MCTP1: variants seen among roughly 807,000 people sequenced by gnomAD.
MCTP1 encodes the protein multiple C2 and transmembrane domain-containing protein 1.
Under a neutral mutation model 120.6 loss-of-function variants are expected in MCTP1, and 69 were observed. The ratio of observed to expected loss-of-function variants is 0.57; its 90% CI spans 0.47 to 0.70. The LOEUF (loss-of-function observed/expected upper bound fraction) is 0.70, where lower values mean the gene tolerates loss of function less well. Among genes scored for constraint, MCTP1 ranks in the 30% least tolerant of loss-of-function variants. MCTP1 has a pLI of 0.00. For missense variants in MCTP1, 1,203 were observed against 1,248.8 expected (o/e 0.96, Z 0.55); for synonymous variants, 529 against 493.1 (o/e 1.07, Z -0.96).
intron 1 of MCTP1, among the ~76,000 whole-genome samples, chr5:95,090,916 T>C (rs553500428): frequency 6.6e-6 from 1 of 152,280 alleles, no homozygotes; most frequent in Admixed American, 6.5e-5. Context: ...CAAAGATGAC[T>C]GATATACTAG....
rs758003840 is a variant in MCTP1 at position 94,718,434 on chromosome 5, TACTC to T, written c.2611-3552_2611-3549del. The stretch of plus-strand genomic sequence containing the variant: ...AATCTAGACAATACCATTCAGGACA[TACTC>T]ACAGGCAAAGATTTCATGACAAAAA... On this transcript the variant is annotated intron_variant, in intron 19 of 22. Coordinates refer to ENST00000515393, the MANE Select transcript of MCTP1 (RefSeq NM_024717.7). 5.3e-5 allele frequency among the ~76,000 whole-genome samples: 8 copies of T among 152,248 alleles called. No individual in the cohort carries two copies. The South Asian group carries it at 1.2e-3, about 24-fold the overall frequency.
At chr5:94,770,482 G>C (rs553393305) in intron 19 of MCTP1, among the ~76,000 whole-genome samples, 1 of 152,250 alleles carries the variant, frequency 6.6e-6, no homozygotes, top group South Asian at 2.1e-4. Context: ...AACCCAAAAG[G>C]AAAGAGTCCA....
intron 2 of MCTP1, among the ~76,000 whole-genome samples, chr5:95,002,796 G>A (rs1002583158): frequency 1.6e-4 from 25 of 152,264 alleles, no homozygotes; most frequent in Admixed American, 1.4e-3. Flanking sequence ...TTAAGACTTT[G>A]GGAGACTGTT....
chr5:94,931,779 G>T, intron 6 of MCTP1, 174 bp downstream of exon 6: 1 of 620,852 alleles, frequency 1.6e-6, no homozygotes, highest in Non-Finnish European at 2.9e-6. Context: ...GCTATTGATC[G>T]GTGTGATTTC....
At chr5:94,778,817 C>G (rs931022901) in intron 19 of MCTP1, among the ~76,000 whole-genome samples, 1 of 152,174 alleles carries the variant, frequency 6.6e-6, no homozygotes, top group Non-Finnish European at 1.5e-5. Context: ...CCTTCAACAA[C>G]AGTCATCACT....
intron 11 of MCTP1, among the ~76,000 whole-genome samples, chr5:94,889,832 TA>T (rs1237159049): frequency 2.7e-5 from 4 of 150,392 alleles, no homozygotes; most frequent in South Asian, 2.1e-4. Flanking sequence ...TCTGAAAGAA[TA>T]AAAAAAACAC....
chr5:95,108,014 G>A (rs912880139), intron 1 of MCTP1, among the ~76,000 whole-genome samples: 2 of 152,184 alleles, frequency 1.3e-5, no homozygotes, highest in Non-Finnish European at 2.9e-5. Context: ...TGTATCAAAA[G>A]TGAACTTGGG....
intron 1 of MCTP1, among the ~76,000 whole-genome samples, chr5:95,073,490 C>T (rs903499659): frequency 5.9e-5 from 9 of 152,200 alleles, no homozygotes; most frequent in African/African-American, 2.2e-4. Flanking sequence ...TGCACCCTGA[C>T]TAGACTCCCA....
At chr5:94,893,485 T>C (rs1480593470) in intron 11 of MCTP1, among the ~76,000 whole-genome samples, 1 of 152,218 alleles carries the variant, frequency 6.6e-6, no homozygotes, top group Non-Finnish European at 1.5e-5. Context: ...TTAGGTGGTT[T>C]AAAAATATAT....
intron 12 of MCTP1, among the ~76,000 whole-genome samples, chr5:94,878,538 T>C (rs958988413): frequency 6.6e-6 from 1 of 152,068 alleles, no homozygotes; most frequent in African/African-American, 2.4e-5. Context: ...GATTTTGTAA[T>C]GTCCTTTTTA....
At chr5:94,902,767 T>C (rs1035823063) in intron 10 of MCTP1, among the ~76,000 whole-genome samples, 1 of 152,236 alleles carries the variant, frequency 6.6e-6, no homozygotes, top group Non-Finnish European at 1.5e-5. Context: ...TGCTAAATGC[T>C]GTTATTGCCT....
chr5:94,747,691 A>G (rs1158440116), intron 19 of MCTP1, among the ~76,000 whole-genome samples: 1 of 152,086 alleles, frequency 6.6e-6, no homozygotes, highest in African/African-American at 2.4e-5. Context: ...CCAGATTGCA[A>G]CAGAGGCGGA....
chr5:95,245,788 T>C (rs888026943), intron 1 of MCTP1, among the ~76,000 whole-genome samples: 1 of 152,100 alleles, frequency 6.6e-6, no homozygotes, highest in Non-Finnish European at 1.5e-5. Flanking sequence ...TTCCCTAACC[T>C]AGCAAGGCAG....
chr5:95,066,623 T>C (rs1176880714), intron 1 of MCTP1, among the ~76,000 whole-genome samples: 1 of 152,044 alleles, frequency 6.6e-6, no homozygotes, highest in Non-Finnish European at 1.5e-5. Flanking sequence ...ATAAAGAAAA[T>C]TTAATATATA....
intron 18 of MCTP1, among the ~76,000 whole-genome samples, chr5:94,797,010 A>G (rs1780233962): frequency 6.6e-6 from 1 of 152,072 alleles, no homozygotes; most frequent in Non-Finnish European, 1.5e-5. Context: ...CTAAAAGAGG[A>G]GCGTGTTAGA....
intron 17 of MCTP1, among the ~76,000 whole-genome samples, chr5:94,801,072 C>T (rs1781131994): frequency 6.6e-6 from 1 of 151,918 alleles, no homozygotes; most frequent in South Asian, 2.1e-4. Context: ...GTAAATGTGA[C>T]AGACATCAAT....
intron 7 of MCTP1, among the ~76,000 whole-genome samples, chr5:94,918,265 G>A (rs1479894201): frequency 1.3e-5 from 2 of 152,134 alleles, no homozygotes; most frequent in African/African-American, 2.4e-5. Context: ...TCAGGTTTTT[G>A]TTAATAGGTG....
intron 2 of MCTP1, among the ~76,000 whole-genome samples, chr5:94,991,901 TAAAC>T (rs991270368): frequency 9.2e-5 from 14 of 151,812 alleles, no homozygotes; most frequent in African/African-American, 3.1e-4. Context: ...AATAAATAAA[TAAAC>T]AAACAAATAC....
At chr5:94,760,934 C>T (rs1771194647) in intron 19 of MCTP1, among the ~76,000 whole-genome samples, 1 of 152,170 alleles carries the variant, frequency 6.6e-6, no homozygotes, top group Non-Finnish European at 1.5e-5. Flanking sequence ...ATTATCTCGT[C>T]TCAGCCTCCC....
Sources: gnomAD v4.1 joint callset for allele counts (sites outside exome capture counted in the v4.1 genomes callset) on GRCh38, gnomAD v4.1.1 for gene constraint, MANE v1.5 for transcripts, NCBI Gene and HGNC (gene_info 2026-07-23, HGNC 2026-07-21) for gene names.